TSPAN2: variants seen among roughly 807,000 people sequenced by gnomAD.
TSPAN2 encodes the protein tetraspanin 2, also known as tetraspanin-2.
In TSPAN2, 24 loss-of-function variants were observed where a neutral mutation model predicts 33.3. That is an observed-to-expected ratio of 0.72 (90% CI 0.52 to 1.01). The LOEUF is 1.01. Ranked by LOEUF, TSPAN2 falls within the 50% of genes least tolerant of loss-of-function variation. The pLI, the probability that TSPAN2 is intolerant of heterozygous loss-of-function variation, is 0.00. For synonymous variants in TSPAN2, 114 were observed against 104.5 expected, an observed-to-expected ratio of 1.09 and a Z score of -0.56; for missense variants, 278 against 281.3, an observed-to-expected ratio of 0.99 and a Z score of 0.08.
At chr1:115,069,262 A>G (rs908466566) in intron 2 of TSPAN2, among the ~76,000 whole-genome samples, 1 of 151,946 alleles carries the variant, frequency 6.6e-6, no homozygotes, top group African/African-American at 2.4e-5. Flanking sequence ...CTTTTTCTCT[A>G]TTAGGTAAAG....
In TSPAN2 at chr1:115,060,555, A is replaced by G; in HGVS notation, c.271-17T>C. The G allele has an allele frequency of 6.3e-7, 1 of 1,598,526 alleles. No homozygotes were observed. The highest frequency in any genetic ancestry group is 1.1e-5 in the South Asian group (1 of 89,390). ...GGTAAAAAACTGTAGAGGAGAGAAA[A>G]TACTAATTTCATTAATTTAATACCT... is the stretch of plus-strand genomic sequence containing the variant. On this transcript the variant is annotated splice_polypyrimidine_tract_variant and intron_variant, in intron 3 of 7. Coordinates refer to ENST00000369516, the MANE Select transcript of TSPAN2 (RefSeq NM_005725.6).
Position 115,066,191 on chromosome 1 carries a change from A to C in TSPAN2, c.173-3959T>G, listed in dbSNP as rs1647944509. 2.0e-5 allele frequency among the ~76,000 whole-genome samples: 3 copies of C among 152,288 alleles called. No homozygotes were observed. The South Asian group carries it at 6.2e-4, about 32-fold the overall frequency. ...GACTCCATATGTTGGCTATTATGAAAAGTGCTGCAATAAACATGGGAGTGC... is the reference window on the plus strand; with the variant it reads ...GACTCCATATGTTGGCTATTATGAACAGTGCTGCAATAAACATGGGAGTGC... On this transcript the variant is annotated intron_variant, in intron 2 of 7. Transcript: ENST00000369516.
chr1:115,078,521 C>T (rs1006424725), intron 1 of TSPAN2, among the ~76,000 whole-genome samples: 4 of 152,088 alleles, frequency 2.6e-5, no homozygotes, highest in African/African-American at 9.7e-5. Flanking sequence ...TAAATGAGGT[C>T]ATGAGGGTGG....
In TSPAN2 at chr1:115,075,206, T is replaced by C. The variant is rs1286365; in HGVS notation, c.70-2199A>G. Reference sequence around the variant, plus strand: ...GATGTGTTTGATGCATAATGGAAAATTAAAAGAGAGGTTGCAATTTAAAGC... The same window carrying C: ...GATGTGTTTGATGCATAATGGAAAACTAAAAGAGAGGTTGCAATTTAAAGC... On this transcript the variant is annotated intron_variant, in intron 1 of 7. Coordinates refer to ENST00000369516, the MANE Select transcript of TSPAN2 (RefSeq NM_005725.6). Among the ~76,000 whole-genome samples, 1,418 of 152,116 alleles carry C rather than the reference T, an allele frequency of 9.3e-3. 28 individuals are homozygous for C. The highest frequency in any genetic ancestry group is 0.033 in the African/African-American group (1,349 of 41,492).
chr1:115,059,129 A>T (rs2101026841), intron 4 of TSPAN2, 148 bp from the exon 5 acceptor site: 1 of 675,994 alleles, frequency 1.5e-6, no homozygotes, highest in East Asian at 2.7e-5. Flanking sequence ...GACTCAGGGG[A>T]AAGGGTAGGA....
chr1:115,067,022 C>T (rs545413586), intron 2 of TSPAN2, among the ~76,000 whole-genome samples: 3 of 152,280 alleles, frequency 2.0e-5, no homozygotes, highest in Non-Finnish European at 4.4e-5. Context: ...ACTGAGGGCT[C>T]ACCACAGAAC....
rs778884805 is a variant in TSPAN2, at chr1:115,060,544, G to T, written c.271-6C>A. 2 of 1,609,916 alleles carry T rather than the reference G, an allele frequency of 1.2e-6. No homozygotes were observed. Among genetic ancestry groups the T allele is most frequent in the Non-Finnish European group, 1.7e-6 (2 of 1,177,404 alleles). On this transcript the variant is annotated splice_region_variant and splice_polypyrimidine_tract_variant and intron_variant, in intron 3 of 7. Coordinates refer to ENST00000369516, the MANE Select transcript of TSPAN2 (RefSeq NM_005725.6). ...ACCAGGAGGCAGGTAAAAAACTGTA[G>T]AGGAGAGAAAATACTAATTTCATTA...
chr1:115,062,559 A>G (rs1260403141), intron 2 of TSPAN2, among the ~76,000 whole-genome samples: 2 of 152,196 alleles, frequency 1.3e-5, no homozygotes, highest in Non-Finnish European at 2.9e-5. Flanking sequence ...GGCAAGCCCC[A>G]CGTACAGTTC....
At chr1:115,079,479 T>C (rs1648542802) in intron 1 of TSPAN2, among the ~76,000 whole-genome samples, 1 of 152,180 alleles carries the variant, frequency 6.6e-6, no homozygotes, top group Non-Finnish European at 1.5e-5. Context: ...GCACATTTGC[T>C]CTGGAAGATG....
rs1242902919 is a variant in TSPAN2 at position 115,048,979 on chromosome 1, T to C, written c.*1511A>G. 1.3e-5 allele frequency: 2 copies of C among 152,068 alleles called. No homozygotes were observed. Among genetic ancestry groups the C allele is most frequent in the Non-Finnish European group, 2.9e-5 (2 of 67,948 alleles). 9.4% of individuals were successfully genotyped at this position (152,068 alleles called of 1,614,324 possible). A position where few individuals can be genotyped will look rare whatever the true frequency, so the allele number is the denominator to read the frequency against. ...CTTTTTAGCAAAATGTTTTGTGAGT[T>C]TTTTGGGAGTGTGACACTTTTAGTG... is the stretch of plus-strand genomic sequence containing the variant. On this transcript the variant is annotated 3_prime_UTR_variant, in exon 8 of 8. Transcript: ENST00000369516.
chr1:115,062,027 A>G (rs1647745938), intron 3 of TSPAN2, 108 bp downstream of exon 3: 2 of 899,394 alleles, frequency 2.2e-6, no homozygotes, highest in Non-Finnish European at 3.4e-6. Context: ...CCAAGGGCTC[A>G]GAGAGTCCAC....
At chr1:115,054,836 A>G (rs2101022683) in intron 6 of TSPAN2, among the ~76,000 whole-genome samples, 1 of 152,056 alleles carries the variant, frequency 6.6e-6, no homozygotes, top group African/African-American at 2.4e-5. Context: ...AAAATAAAAA[A>G]ATTAGCCGGG....
At chr1:115,053,531 C>A (rs1413311681) in intron 6 of TSPAN2, 69 bp from the exon 7 acceptor site, 4 of 1,277,986 alleles carry the variant, frequency 3.1e-6, no homozygotes, top group Non-Finnish European at 4.5e-6. Flanking sequence ...TGATCCTATC[C>A]TTTCCATCTC....
At position 115,089,482 on chromosome 1, in the gene TSPAN2, G is replaced by T. The variant is rs765819278; in HGVS notation, c.-50C>A. ...CAGTCCCCAGGCCCGCGCTACGAGC[G>T]CGGGGAGCGGCAGGCTCCGGCGGGG... On this transcript the variant is annotated 5_prime_UTR_variant, in exon 1 of 8. Coordinates refer to ENST00000369516, the MANE Select transcript of TSPAN2 (RefSeq NM_005725.6). 4.4e-6 allele frequency: 6 copies of T among 1,363,700 alleles called. No individual in the cohort carries two copies. The South Asian group carries it at 6.9e-5, about 16-fold the overall frequency. The allele number at this position is 1,363,700 out of a possible 1,614,324, so 84.5% of individuals were successfully genotyped here. A position where few individuals can be genotyped will look rare whatever the true frequency, so the allele number is the denominator to read the frequency against.
chr1:115,075,526 T>C (rs1648370209), intron 1 of TSPAN2, among the ~76,000 whole-genome samples: 2 of 152,168 alleles, frequency 1.3e-5, no homozygotes, highest in South Asian at 4.1e-4. Flanking sequence ...TTAAGATTCA[T>C]GGAATGCTCT....
intron 1 of TSPAN2, among the ~76,000 whole-genome samples, chr1:115,075,039 G>A (rs745640715): frequency 2.6e-5 from 4 of 152,136 alleles, no homozygotes; most frequent in Non-Finnish European, 4.4e-5. Flanking sequence ...AGCAGCCACC[G>A]AGCAGACTGT....
Position 115,062,119 on chromosome 1 carries a change from C to A in TSPAN2, c.270+16G>T. Reference sequence around the variant, plus strand: ...CCTCACCCCCACCCCACCATTTACCCCCTCGCCCCACTTACTGATCCAAGC... The same window carrying A: ...CCTCACCCCCACCCCACCATTTACCACCTCGCCCCACTTACTGATCCAAGC... On this transcript the variant is annotated intron_variant, in intron 3 of 7. Coordinates refer to ENST00000369516, the MANE Select transcript of TSPAN2 (RefSeq NM_005725.6). 2 of 1,560,254 alleles carry A rather than the reference C, an allele frequency of 1.3e-6. No individual in the cohort carries two copies. The highest frequency in any genetic ancestry group is 8.7e-7 in the Non-Finnish European group (1 of 1,149,600).
rs755901633 is a variant in TSPAN2 at position 115,072,896 on chromosome 1, G to A, written c.172+9C>T. ...CTGAGCTGGAGCTTAGGAAGCTGGAGTCACTCACCCACATAGAAATACTCT... is the reference window on the plus strand; with the variant it reads ...CTGAGCTGGAGCTTAGGAAGCTGGAATCACTCACCCACATAGAAATACTCT... On this transcript the variant is annotated intron_variant, in intron 2 of 7. Coordinates refer to ENST00000369516, the MANE Select transcript of TSPAN2 (RefSeq NM_005725.6). 10 of 1,605,562 alleles carry A rather than the reference G, an allele frequency of 6.2e-6. No homozygotes were observed. The highest frequency in any genetic ancestry group is 8.5e-6 in the Non-Finnish European group (10 of 1,172,292).
rs1648968146 is a variant in TSPAN2 at position 115,089,370 on chromosome 1, G to T, written c.63C>A (p.Leu21=). 2 of 1,590,442 alleles carry T rather than the reference G, an allele frequency of 1.3e-6. No homozygotes were observed. Among genetic ancestry groups the T allele is most frequent in the Non-Finnish European group, 8.5e-7 (1 of 1,169,776 alleles). The change falls in exon 1 of 8, where the codon CTC becomes CTA. Residue 21 remains leucine, a synonymous_variant. Transcript: ENST00000369516. Reference sequence around the variant, plus strand: ...TCCCGGCTCCTGGTCTCACCCAGAAGAGCAGGTTGAAGCCAAGCAGCAGGT... The same window carrying T: ...TCCCGGCTCCTGGTCTCACCCAGAATAGCAGGTTGAAGCCAAGCAGCAGGT... ...IKYLLLGFNL[L]FWLAGSAVIA...
Sources: allele counts gnomAD v4.1 joint callset (sites outside exome capture counted in the v4.1 genomes callset), GRCh38; gene constraint gnomAD v4.1.1; transcripts MANE v1.5; gene names NCBI Gene and HGNC (gene_info 2026-07-23, HGNC 2026-07-21).